The following NRG3 variants were observed in gnomAD, a reference collection of about 807,000 sequenced individuals.
The protein encoded by NRG3 is neuregulin 3.
In NRG3, 31 loss-of-function variants were observed where a neutral mutation model predicts 66.9. That is an observed-to-expected ratio of 0.46 (90% CI 0.35 to 0.63). The LOEUF (loss-of-function observed/expected upper bound fraction) is 0.63. Among genes scored for constraint, NRG3 ranks in the 20% least tolerant of loss-of-function variants. The pLI, the probability that NRG3 is intolerant of heterozygous loss-of-function variation, is 0.00. For missense variants in NRG3, 910 were observed against 878.9 expected, an observed-to-expected ratio of 1.04 and a Z score of -0.45; for synonymous variants, 393 against 359.4, an observed-to-expected ratio of 1.09 and a Z score of -1.06.
At chr10:81,890,690 T>C (rs1301028286) in intron 1 of NRG3, among the ~76,000 whole-genome samples, 6 of 152,218 alleles carry the variant, frequency 3.9e-5, no homozygotes, top group Admixed American at 3.9e-4. Context: ...AATAACTGCA[T>C]ATCTAAGTGT....
intron 4 of NRG3, among the ~76,000 whole-genome samples, chr10:82,891,984 T>A (rs1473917579): frequency 6.6e-6 from 1 of 152,088 alleles, no homozygotes; most frequent in African/African-American, 2.4e-5. Context: ...ATTATAAATA[T>A]ATATTGTTTT....
intron 1 of NRG3, among the ~76,000 whole-genome samples, chr10:82,350,345 T>G (rs145098890): frequency 8.8e-4 from 134 of 152,306 alleles, no homozygotes; most frequent in African/African-American, 3.2e-3. Flanking sequence ...AAGCACTTAT[T>G]GTGTGTCAGG....
intron 2 of NRG3, among the ~76,000 whole-genome samples, chr10:82,702,560 G>T (rs2055966480): frequency 6.6e-6 from 1 of 152,168 alleles, no homozygotes; most frequent in Non-Finnish European, 1.5e-5. Flanking sequence ...ACAAGGTGCA[G>T]GTCAGGCTAG....
chr10:82,282,097 A>G (rs2079152393), intron 1 of NRG3, among the ~76,000 whole-genome samples: 1 of 152,050 alleles, frequency 6.6e-6, no homozygotes, highest in African/African-American at 2.4e-5. Flanking sequence ...CAGGAGCAGG[A>G]TAGTGGGGGC....
intron 2 of NRG3, among the ~76,000 whole-genome samples, chr10:82,492,677 T>C (rs574358472): frequency 4.6e-5 from 7 of 152,340 alleles, no homozygotes; most frequent in African/African-American, 7.2e-5. Context: ...ATGTATAAGT[T>C]CACATTGCAC....
intron 1 of NRG3, among the ~76,000 whole-genome samples, chr10:82,349,727 C>T (rs1032351495): frequency 2.0e-5 from 3 of 152,128 alleles, no homozygotes; most frequent in Admixed American, 6.5e-5. Flanking sequence ...ACTCCGTGGG[C>T]GTAGGACCCT....
chr10:82,214,887 T>C (rs2075584782), intron 1 of NRG3, among the ~76,000 whole-genome samples: 1 of 152,216 alleles, frequency 6.6e-6, no homozygotes, highest in South Asian at 2.1e-4. Context: ...AGCAGGGAAC[T>C]AGAAATGTAG....
At chr10:82,119,277 A>G (rs1402988454) in intron 1 of NRG3, among the ~76,000 whole-genome samples, 1 of 152,130 alleles carries the variant, frequency 6.6e-6, no homozygotes, top group Non-Finnish European at 1.5e-5. Flanking sequence ...AACAACGACA[A>G]CAATGTCTCC....
At chr10:82,139,985 A>G (rs1001270243) in intron 1 of NRG3, among the ~76,000 whole-genome samples, 12 of 152,144 alleles carry the variant, frequency 7.9e-5, no homozygotes, top group African/African-American at 2.9e-4. Flanking sequence ...TAAGGTTTTC[A>G]GTTGTTATCC....
rs575278041 is a variant in NRG3 at position 82,332,868 on chromosome 10, G to A, written c.824-25871G>A. Reference sequence around the variant, plus strand: ...ATCTCTTGAGGCAATTAAATTAGAAGGATATATAGGTCTTCCCAAGAAACA... The same window carrying A: ...ATCTCTTGAGGCAATTAAATTAGAAAGATATATAGGTCTTCCCAAGAAACA... On this transcript the variant is annotated intron_variant, in intron 1 of 8. Transcript: ENST00000372141. 5.3e-5 allele frequency among the ~76,000 whole-genome samples: 8 copies of A among 152,208 alleles called. No homozygotes were observed. In the South Asian group the frequency reaches 1.5e-3, roughly 28 times the overall value.
In NRG3 at chr10:82,312,113, G is replaced by T. The variant is rs866940512; in HGVS notation, c.824-46626G>T. Among the ~76,000 whole-genome samples, 4 of 152,290 alleles carry T rather than the reference G, an allele frequency of 2.6e-5. 1 individual carries two copies. The Middle Eastern group carries it at 0.01, about 388-fold the overall frequency. On this transcript the variant is annotated intron_variant, in intron 1 of 8. Transcript: ENST00000372141. ...CTCACTAAATATTGGTTGTCTTTTA[G>T]AGTGATTTTCTTCTACCTGAATACT...
intron 3 of NRG3, among the ~76,000 whole-genome samples, chr10:82,758,856 A>C (rs1437193752): frequency 6.6e-6 from 1 of 152,046 alleles, no homozygotes; most frequent in Non-Finnish European, 1.5e-5. Context: ...TTGTCTTGGC[A>C]AAAGGCTGGC....
chr10:82,704,019 A>G lies in NRG3; in HGVS notation c.954-34558A>G, dbSNP rs148062588. Among the ~76,000 whole-genome samples the G allele has an allele frequency of 3.8e-3, 579 of 152,196 alleles. 5 individuals carry two copies. Among genetic ancestry groups the G allele is most frequent in the African/African-American group, 0.014 (565 of 41,534 alleles). On this transcript the variant is annotated intron_variant, in intron 2 of 8. Transcript: ENST00000372141. Reference sequence around the variant, plus strand: ...CTTTGTGCTTACAAACCTTCTACCCACAAAGAATCCTTTATCTTACCTTTG... The same window carrying G: ...CTTTGTGCTTACAAACCTTCTACCCGCAAAGAATCCTTTATCTTACCTTTG...
chr10:82,796,114 G>C (rs80268575), intron 3 of NRG3, among the ~76,000 whole-genome samples: 4,595 of 152,180 alleles, frequency 0.03, 200 homozygotes, highest in African/African-American at 0.1. Flanking sequence ...GTCTAAGACA[G>C]ACTTATGAGC....
intron 4 of NRG3, among the ~76,000 whole-genome samples, chr10:82,904,678 C>T (rs1844557534): frequency 6.6e-6 from 1 of 151,996 alleles, no homozygotes; most frequent in African/African-American, 2.4e-5. Context: ...TATCAAAGAA[C>T]AGTAATGTTC....
chr10:82,315,106 T>G (rs1307638879), intron 1 of NRG3, among the ~76,000 whole-genome samples: 1 of 152,192 alleles, frequency 6.6e-6, no homozygotes, highest in East Asian at 1.9e-4. Context: ...TTCCATACTG[T>G]ATTTATGGTC....
intron 1 of NRG3, among the ~76,000 whole-genome samples, chr10:81,928,382 T>C (rs1234255690): frequency 6.6e-6 from 1 of 152,168 alleles, no homozygotes; most frequent in Non-Finnish European, 1.5e-5. Flanking sequence ...CCCCAGGTGA[T>C]TGCAATGTAG....
chr10:82,193,514 A>G (rs955376724), intron 1 of NRG3, among the ~76,000 whole-genome samples: 2 of 152,214 alleles, frequency 1.3e-5, no homozygotes, highest in Non-Finnish European at 2.9e-5. Context: ...CAAGAAATGA[A>G]AGAAAGCAGA....
intron 3 of NRG3, among the ~76,000 whole-genome samples, chr10:82,780,566 T>G (rs967461432): frequency 6.6e-6 from 1 of 151,896 alleles, no homozygotes; most frequent in African/African-American, 2.4e-5. Flanking sequence ...TTGTACATTT[T>G]GGCTGGTATG....
Sources: gnomAD v4.1 joint callset for allele counts (sites outside exome capture counted in the v4.1 genomes callset) on GRCh38, gnomAD v4.1.1 for gene constraint, MANE v1.5 for transcripts, NCBI Gene and HGNC (gene_info 2026-07-23, HGNC 2026-07-21) for gene names.